Variants in ENTREP2 observed in about 807,000 individuals in gnomAD.
The protein encoded by ENTREP2 is endosomal transmembrane epsin interactor 2, also known as protein ENTREP2.
chr15:29,202,933 C>T, the ENTREP2 span, among the ~76,000 whole-genome samples: 2 of 152,144 alleles, frequency 1.3e-5, no homozygotes, highest in Admixed American at 1.3e-4. Context: ...GTAAATAGTG[C>T]TGCAATAAAC....
At chr15:29,566,806 T>C in the ENTREP2 span, among the ~76,000 whole-genome samples, 1 of 149,974 alleles carries the variant, frequency 6.7e-6, no homozygotes, top group East Asian at 2.0e-4. Context: ...AATTTCAGAG[T>C]ATGAAAAAAA....
the ENTREP2 span, among the ~76,000 whole-genome samples, chr15:29,648,158 T>C: frequency 6.6e-6 from 1 of 152,166 alleles, no homozygotes; most frequent in Non-Finnish European, 1.5e-5. Flanking sequence ...GGAGGTGCCA[T>C]GGGGTACCAA....
At chr15:29,261,871 T>G in the ENTREP2 span, among the ~76,000 whole-genome samples, 1 of 151,266 alleles carries the variant, frequency 6.6e-6, no homozygotes, top group African/African-American at 2.4e-5. Context: ...ATATATTGCC[T>G]TAAATGAATT....
At chr15:29,393,462 A>C in the ENTREP2 span, among the ~76,000 whole-genome samples, 1 of 152,166 alleles carries the variant, frequency 6.6e-6, no homozygotes, top group Non-Finnish European at 1.5e-5. Flanking sequence ...CTCCAGCCAC[A>C]TACCGCCTGA....
chr15:29,231,894 C>CTTTTTTTT, the ENTREP2 span, among the ~76,000 whole-genome samples: 1 of 134,668 alleles, frequency 7.4e-6, no homozygotes, highest in African/African-American at 2.7e-5. Flanking sequence ...TCTTTTCTTT[C>CTTTTTTTT]TTTTTTTTTT....
the ENTREP2 span, among the ~76,000 whole-genome samples, chr15:29,576,430 T>A: frequency 6.6e-6 from 1 of 152,190 alleles, no homozygotes; most frequent in African/African-American, 2.4e-5. Flanking sequence ...TTCTTAGATA[T>A]GACAAGAGAA....
the ENTREP2 span, among the ~76,000 whole-genome samples, chr15:29,591,642 C>T: frequency 6.6e-6 from 1 of 151,780 alleles, no homozygotes; most frequent in Non-Finnish European, 1.5e-5. Context: ...ACCTGCAATC[C>T]CAGCACTTTG....
chr15:29,613,838 T>C, the ENTREP2 span: 1 of 164,600 alleles, frequency 6.1e-6, no homozygotes. Context: ...TTTGCCCCTC[T>C]CACCAGTTGT....
chr15:29,414,851 TC>T, the ENTREP2 span, among the ~76,000 whole-genome samples: 1 of 151,996 alleles, frequency 6.6e-6, no homozygotes, highest in African/African-American at 2.4e-5. Context: ...CAAACTACCA[TC>T]AGAGAATACT....
the ENTREP2 span, among the ~76,000 whole-genome samples, chr15:29,493,190 G>A: frequency 9.5e-6 from 1 of 105,592 alleles, no homozygotes; most frequent in Non-Finnish European, 1.8e-5. Context: ...CTGGAGTGCA[G>A]TGGCGGGATC....
At chr15:29,395,007 C>T in the ENTREP2 span, among the ~76,000 whole-genome samples, 4 of 150,638 alleles carry the variant, frequency 2.7e-5, no homozygotes, top group East Asian at 2.0e-4. Context: ...CCTGCCTTAG[C>T]CTCCTGAGTA....
At chr15:29,571,483 G>A in the ENTREP2 span, among the ~76,000 whole-genome samples, 2 of 151,952 alleles carry the variant, frequency 1.3e-5, no homozygotes, top group Admixed American at 6.5e-5. Flanking sequence ...CAAGATCCAA[G>A]ATGCTGCTTT....
At chr15:29,307,105 G>A in the ENTREP2 span, among the ~76,000 whole-genome samples, 5 of 151,772 alleles carry the variant, frequency 3.3e-5, no homozygotes, top group African/African-American at 1.2e-4. Flanking sequence ...TATTTATAGT[G>A]GTACTTCTCT....
chr15:29,512,492 AG>A, the ENTREP2 span, among the ~76,000 whole-genome samples: 65 of 152,298 alleles, frequency 4.3e-4, no homozygotes, highest in Non-Finnish European at 1.9e-4. Context: ...TCGTATGTTG[AG>A]GCACTAACCC....
At chr15:29,500,196 T>C in the ENTREP2 span, among the ~76,000 whole-genome samples, 7 of 152,064 alleles carry the variant, frequency 4.6e-5, no homozygotes, top group South Asian at 6.2e-4. Flanking sequence ...ATAGAACAAA[T>C]AGAATAACAG....
the ENTREP2 span, among the ~76,000 whole-genome samples, chr15:29,156,027 G>A: frequency 6.6e-6 from 1 of 152,124 alleles, no homozygotes; most frequent in Non-Finnish European, 1.5e-5. Context: ...CTTAGTTGTG[G>A]CAAACAGCAG....
chr15:29,120,629 T>C, the ENTREP2 span: 1 of 152,206 alleles, frequency 6.6e-6, no homozygotes, highest in South Asian at 2.1e-4. Context: ...TCACAGCAGG[T>C]GCCAACCCCC....
At chr15:29,675,212 C>T in the ENTREP2 span, 1 of 152,456 alleles carries the variant, frequency 6.6e-6, no homozygotes. Context: ...GTGCCGTCCT[C>T]CCGGGGCTGG....
the ENTREP2 span, among the ~76,000 whole-genome samples, chr15:29,669,770 G>A: frequency 1.3e-5 from 2 of 152,190 alleles, no homozygotes; most frequent in Non-Finnish European, 2.9e-5. Context: ...AGAGGTGATT[G>A]AATTACTTCC....
Sources: gnomAD v4.1 joint callset for allele counts (sites outside exome capture counted in the v4.1 genomes callset) on GRCh38, gnomAD v4.1.1 for gene constraint, MANE v1.5 for transcripts, NCBI Gene and HGNC (gene_info 2026-07-23, HGNC 2026-07-21) for gene names.